The following ZNF611 variants were observed in gnomAD, a reference collection of about 807,000 sequenced individuals.
ZNF611 encodes the protein zinc finger protein 611.
A neutral mutation model predicts 8.9 loss-of-function variants in ZNF611; 6 were observed. The observed-to-expected ratio is 0.68, with a 90% CI of 0.37 to 1.34. ZNF611 has a LOEUF of 1.34. ZNF611 is among the 40% of genes most tolerant of loss of function. The pLI, the probability that ZNF611 is intolerant of heterozygous loss-of-function variation, is 0.02. For missense variants in ZNF611, 874 were observed against 841.3 expected, an observed-to-expected ratio of 1.04 and a Z score of -0.48; for synonymous variants, 262 against 279.7, an observed-to-expected ratio of 0.94 and a Z score of 0.63.
chr19:52,706,464 G>A lies in ZNF611; in HGVS notation c.591C>T (p.Ser197=), dbSNP rs535994971. 1 of 1,614,004 alleles carries A rather than the reference G, an allele frequency of 6.2e-7. No homozygotes were observed. The highest frequency in any genetic ancestry group is 8.5e-7 in the Non-Finnish European group (1 of 1,180,028). ...APSVSTFQRI[S]CRPQTQISNN... ...TAGAAATCTGGGTTTGGGGCCTACA[G>A]GAAATTCTTTGGAATGTTGAAACTG... The change falls in exon 6 of 6, where the codon TCC becomes TCT. Residue 197 remains serine (S), a synonymous_variant. Transcript: ENST00000652185.
Position 52,705,824 on chromosome 19 carries a change from A to T in ZNF611, c.1231T>A (p.Ser411Thr), listed in dbSNP as rs774289675. 2.5e-6 allele frequency: 4 copies of T among 1,613,772 alleles called. No homozygotes were observed. The highest frequency in any genetic ancestry group is 3.4e-6 in the Non-Finnish European group (4 of 1,179,952). Residue 411 changes from serine (S) to threonine (T), a missense_variant, in exon 6 of 6, where the codon TCA (serine) becomes ACA (threonine). Physicochemically the swap from Ser to Thr is moderately conservative, Grantham distance 58 (BLOSUM62 1). Transcript: ENST00000652185. Reference sequence around the variant, plus strand: ...ATTCTTCTATGTCGAGCCAGCTGTGAATGCCACGTGAAAGCTGTGTCACAA... The same window carrying T: ...ATTCTTCTATGTCGAGCCAGCTGTGTATGCCACGTGAAAGCTGTGTCACAA... ...KVCDTAFTWH[S>T]QLARHRRIHT...
At chr19:52,734,544 G>GGT (rs1555797715) in intron 1 of ZNF611, among the ~76,000 whole-genome samples, 1 of 54,120 alleles carries the variant, frequency 1.8e-5, no homozygotes, top group Non-Finnish European at 3.7e-5. Flanking sequence ...GGCGGGGGGG[G>GGT]GGGGCGCGAC....
intron 3 of ZNF611, among the ~76,000 whole-genome samples, chr19:52,721,742 GGAGA>G (rs2062361616): frequency 6.6e-6 from 1 of 151,788 alleles, no homozygotes; most frequent in South Asian, 2.1e-4. Context: ...AAAGGGAGAG[GGAGA>G]GAGAGAGGGA....
At chr19:52,732,398 GAATAACTCAC>G (rs1357368829) in intron 1 of ZNF611, among the ~76,000 whole-genome samples, 15 of 135,276 alleles carry the variant, frequency 1.1e-4, no homozygotes, top group African/African-American at 1.5e-4. Context: ...GAGTTATTCT[GAATAACTCAC>G]AGTATTGAGT....
intron 3 of ZNF611, chr19:52,716,138 G>C (rs139762625): frequency 1.4e-5 from 7 of 513,922 alleles, no homozygotes; most frequent in Admixed American, 3.3e-5. Flanking sequence ...CACCACACAC[G>C]AGGCAGCAGT....
At chr19:52,718,200 A>C (rs1019753565) in intron 3 of ZNF611, among the ~76,000 whole-genome samples, 2 of 151,926 alleles carry the variant, frequency 1.3e-5, no homozygotes, top group Non-Finnish European at 2.9e-5. Flanking sequence ...ATTAGCAGGA[A>C]ATGGTTGTGC....
In ZNF611 at chr19:52,706,084, A is replaced by G. The variant is rs376337808; in HGVS notation, c.971T>C (p.Phe324Ser). 31 of 1,614,000 alleles carry G rather than the reference A, an allele frequency of 1.9e-5. No homozygotes were observed. The East Asian group carries it at 6.7e-4, about 35-fold the overall frequency. Residue 324 changes from phenylalanine (F) to serine (S), a missense_variant, in exon 6 of 6, where the codon TTT (phenylalanine) becomes TCT (serine). Phe to Ser is a radical substitution (Grantham distance 155). Coordinates refer to ENST00000652185, the MANE Select transcript of ZNF611 (RefSeq NM_001161499.2). ...RYNCNECGKI[F>S]GQNSALLIDK... ...AATTAGAAGGGCTGAATTTTGACCA[A>G]AGATCTTGCCACACTCATTACAATT...
chr19:52,715,797 G>T, intron 4 of ZNF611, 35 bp downstream of exon 4: 1 of 1,604,974 alleles, frequency 6.2e-7, no homozygotes, highest in South Asian at 1.1e-5. Context: ...AGAAACGAAA[G>T]ACACAGATTA....
In ZNF611 at chr19:52,705,644, T is replaced by G; in HGVS notation, c.1411A>C (p.Lys471Gln). The G allele has an allele frequency of 6.2e-7, 1 of 1,613,824 alleles. No individual in the cohort carries two copies. The highest frequency in any genetic ancestry group is 8.5e-7 in the Non-Finnish European group (1 of 1,179,874). Residue 471 changes from lysine to glutamine, a missense_variant, in exon 6 of 6, where the codon AAA becomes CAA. By Grantham distance (53) the Lys-to-Gln change is moderately conservative. Coordinates refer to ENST00000652185, the MANE Select transcript of ZNF611 (RefSeq NM_001161499.2). ...KAFVWSSQLA[K>Q]HTRIDCGEKP... ...TCTCCACAGTCAATTCTAGTATGTT[T>G]TGCCAGTTGTGAACTCCACACAAAA... is the stretch of plus-strand genomic sequence containing the variant.
At chr19:52,727,917 T>TG (rs202057852) in intron 3 of ZNF611, among the ~76,000 whole-genome samples, 4,762 of 150,062 alleles carry the variant, frequency 0.032, 256 homozygotes, top group African/African-American at 0.11. Flanking sequence ...CTTTTTTTTT[T>TG]TTTTTTTTTT....
rs2062215677 is a variant in ZNF611, at chr19:52,703,179, TAAATAA to T, written c.*1752_*1757del. ...TCTCAAACTCAAACTGCAAAATAAA[TAAATAA>T]ATAAATAAAAAATAAAGAGAGAAAT... On this transcript the variant is annotated 3_prime_UTR_variant, in exon 6 of 6. Coordinates refer to ENST00000652185, the MANE Select transcript of ZNF611 (RefSeq NM_001161499.2). The T allele has an allele frequency of 6.6e-6, 1 of 151,394 alleles. No homozygotes were observed. The highest frequency in any genetic ancestry group is 6.6e-5 in the Admixed American group (1 of 15,172). The allele number at this position is 151,394 out of a possible 1,614,324, so 9.4% of individuals were successfully genotyped here. A position where few individuals can be genotyped will look rare whatever the true frequency, so the allele number is the denominator to read the frequency against.
intron 5 of ZNF611, among the ~76,000 whole-genome samples, chr19:52,713,454 T>C (rs1800604233): frequency 6.6e-6 from 1 of 152,154 alleles, no homozygotes; most frequent in Non-Finnish European, 1.5e-5. Context: ...AAGAGCCTCA[T>C]ACATATGAGG....
Position 52,703,368 on chromosome 19 carries a change from A to G in ZNF611, c.*1569T>C, listed in dbSNP as rs1039741497. Reference sequence around the variant, plus strand: ...ACAATTTTGGTTCACTGCAACTTCTACCTCCTAGGTTTAAGCAATTCTCAT... The same window carrying G: ...ACAATTTTGGTTCACTGCAACTTCTGCCTCCTAGGTTTAAGCAATTCTCAT... On this transcript the variant is annotated 3_prime_UTR_variant, in exon 6 of 6. Transcript: ENST00000652185. 6.6e-6 allele frequency: 1 copy of G among 151,856 alleles called. No homozygotes were observed. Among genetic ancestry groups the G allele is most frequent in the African/African-American group, 2.4e-5 (1 of 41,322 alleles). The allele number at this position is 151,856 out of a possible 1,614,324, so 9.4% of individuals were successfully genotyped here. A position where few individuals can be genotyped will look rare whatever the true frequency, so the allele number is the denominator to read the frequency against.
At chr19:52,714,289 C>T (rs1211367781) in intron 4 of ZNF611, 148 bp from the exon 5 acceptor site, 2 of 1,441,344 alleles carry the variant, frequency 1.4e-6, no homozygotes, top group Non-Finnish European at 1.8e-6. Context: ...ATATTTTTTC[C>T]CTATAGTTGC....
intron 4 of ZNF611, among the ~76,000 whole-genome samples, chr19:52,715,422 A>G (rs2062309924): frequency 6.6e-6 from 1 of 152,130 alleles, no homozygotes; most frequent in African/African-American, 2.4e-5. Flanking sequence ...GCCGGATACA[A>G]AATCTCTCTC....
chr19:52,712,456 TAA>T (rs55649603), intron 5 of ZNF611, among the ~76,000 whole-genome samples: 2,076 of 37,348 alleles, frequency 0.056, 83 homozygotes, highest in African/African-American at 0.16. Flanking sequence ...CTGTCTCTAC[TAA>T]AAAAAAAAAA....
intron 1 of ZNF611, among the ~76,000 whole-genome samples, chr19:52,732,289 AGAATAACTCACAGTATTGAGTTATTCT>A (rs1405388821): frequency 2.8e-5 from 3 of 105,706 alleles, no homozygotes; most frequent in African/African-American, 1.0e-4. Flanking sequence ...AAAAGAAAAC[AGAATAACTCACAGTATTGAGTTATTCT>A]GAATAACTCA....
At position 52,705,442 on chromosome 19, in the gene ZNF611, T is replaced by C; in HGVS notation, c.1613A>G (p.Tyr538Cys). Residue 538 changes from tyrosine to cysteine, a missense_variant, in exon 6 of 6, where the codon TAC (tyrosine) becomes TGC (cysteine). Tyr to Cys is a radical substitution (Grantham distance 194). Coordinates refer to ENST00000652185, the MANE Select transcript of ZNF611 (RefSeq NM_001161499.2). ...AGCCTTGTCACAAACCTTACATTTG[T>C]ATGGTTTCTCTCCAGTATGACCTAT... is the stretch of plus-strand genomic sequence containing the variant. ...HKIGHTGEKP[Y>C]KCKVCDKAFA... The C allele has an allele frequency of 6.2e-7, 1 of 1,614,228 alleles. No individual in the cohort carries two copies. The highest frequency in any genetic ancestry group is 8.5e-7 in the Non-Finnish European group (1 of 1,180,030).
chr19:52,715,924 A>G lies in ZNF611; in HGVS notation c.-19-11T>C. On this transcript the variant is annotated splice_polypyrimidine_tract_variant and intron_variant, in intron 3 of 5. Transcript: ENST00000652185. ...CTTTAGGAATCAATCCTGTATGTGA[A>G]AAAAAATGAGACTTCATGTTAGAAA... is the stretch of plus-strand genomic sequence containing the variant. 6.2e-7 allele frequency: 1 copy of G among 1,611,190 alleles called. No individual in the cohort carries two copies.
Sources: gnomAD v4.1 joint callset for allele counts (sites outside exome capture counted in the v4.1 genomes callset) on GRCh38, gnomAD v4.1.1 for gene constraint, MANE v1.5 for transcripts, NCBI Gene and HGNC (gene_info 2026-07-23, HGNC 2026-07-21) for gene names.